RFTN1: variants seen among roughly 807,000 people sequenced by gnomAD.
The protein encoded by RFTN1 is raftlin.
RFTN1 carries 26 observed loss-of-function variants against 46.5 expected under a neutral mutation model. The ratio of observed to expected loss-of-function variants is 0.56; its 90% CI spans 0.41 to 0.78. The LOEUF (loss-of-function observed/expected upper bound fraction) is 0.78. RFTN1 is among the 30% of genes least tolerant of loss of function. The pLI is 0.00. For synonymous variants in RFTN1, 261 were observed against 284.2 expected, an observed-to-expected ratio of 0.92 and a Z score of 0.82; for missense variants, 693 against 718.7, an observed-to-expected ratio of 0.96 and a Z score of 0.41.
At chr3:16,363,693 G>T (rs944117596) in intron 6 of RFTN1, among the ~76,000 whole-genome samples, 6 of 152,204 alleles carry the variant, frequency 3.9e-5, no homozygotes, top group Admixed American at 1.3e-4. Flanking sequence ...GTCTATTTTT[G>T]CAGGGTTAAA....
rs2068875229 is a variant in RFTN1 at position 16,320,088 on chromosome 3, T to C, written c.1333-2856A>G. Among the ~76,000 whole-genome samples the C allele has an allele frequency of 6.6e-6, 1 of 152,190 alleles. No homozygotes were observed. The highest frequency in any genetic ancestry group is 1.5e-5 in the Non-Finnish European group (1 of 68,028). On this transcript the variant is annotated intron_variant, in intron 9 of 9. Transcript: ENST00000334133. The surrounding 1 kb of genome is among the most constrained non-coding windows in gnomAD (Gnocchi z 4.5). ...AAAGAAATCCTTCACTTTACAGCAGTGTGTGTCCAGAGTTCCATGTCAGCA... is the reference window on the plus strand; with the variant it reads ...AAAGAAATCCTTCACTTTACAGCAGCGTGTGTCCAGAGTTCCATGTCAGCA...
In RFTN1 at chr3:16,425,031, A is replaced by C. The variant is rs1408509096; in HGVS notation, c.332+8820T>G. Among the ~76,000 whole-genome samples, 4 of 152,180 alleles carry C rather than the reference A, an allele frequency of 2.6e-5. No individual in the cohort carries two copies. Among genetic ancestry groups the C allele is most frequent in the Non-Finnish European group, 2.9e-5 (2 of 68,032 alleles). On this transcript the variant is annotated intron_variant, in intron 3 of 9. Coordinates refer to ENST00000334133, the MANE Select transcript of RFTN1 (RefSeq NM_015150.2). This position sits in a 1 kb window ranked among gnomAD's most constrained non-coding sequence, Gnocchi z 4.3. ...GTTGAATAGGTAGACTATTCAATACAAGACTCCCACAAAGATTTAAAGTAA... is the reference window on the plus strand; with the variant it reads ...GTTGAATAGGTAGACTATTCAATACCAGACTCCCACAAAGATTTAAAGTAA...
intron 2 of RFTN1, chr3:16,482,667 A>T: frequency 1.7e-6 from 2 of 1,143,366 alleles, no homozygotes; most frequent in South Asian, 1.3e-5. Flanking sequence ...CTCTATAAGG[A>T]TTAATTGACA....
At position 16,346,289 on chromosome 3, in the gene RFTN1, A is replaced by G. The variant is rs540675182; in HGVS notation, c.1146+11643T>C. 4.6e-5 allele frequency: 7 copies of G among 152,328 alleles called. No individual in the cohort carries two copies. In the South Asian group the frequency reaches 1.4e-3, roughly 32 times the overall value. The allele number at this position is 152,328 out of a possible 1,614,324, so 9.4% of individuals were successfully genotyped here. On this transcript the variant is annotated intron_variant, in intron 7 of 9. Coordinates refer to ENST00000334133, the MANE Select transcript of RFTN1 (RefSeq NM_015150.2). This position sits in a 1 kb window ranked among gnomAD's most constrained non-coding sequence, Gnocchi z 4.4. ...GTGGCTGACACACAGTAGGAACTCA[A>G]TATTTATTTGTTGGATAAATTTTTA...
rs2076502704 is a variant in RFTN1 at position 16,489,306 on chromosome 3, T to G, written c.145+4419A>C. Among the ~76,000 whole-genome samples the G allele has an allele frequency of 6.6e-6, 1 of 152,050 alleles. No individual in the cohort carries two copies. The highest frequency in any genetic ancestry group is 1.5e-5 in the Non-Finnish European group (1 of 68,008). Reference sequence around the variant, plus strand: ...GGTGGCGGGCACCTGTAATCCCAACTACTCGGCAGGCTGAGGCACAAGAAT... The same window carrying G: ...GGTGGCGGGCACCTGTAATCCCAACGACTCGGCAGGCTGAGGCACAAGAAT... On this transcript the variant is annotated intron_variant, in intron 2 of 9. Coordinates refer to ENST00000334133, the MANE Select transcript of RFTN1 (RefSeq NM_015150.2). The surrounding 1 kb of genome is among the most constrained non-coding windows in gnomAD (Gnocchi z 4.0).
Position 16,457,496 on chromosome 3 carries a change from T to C in RFTN1, c.146-23459A>G, listed in dbSNP as rs11710881. On this transcript the variant is annotated intron_variant, in intron 2 of 9. Transcript: ENST00000334133. The surrounding 1 kb of genome is among the most constrained non-coding windows in gnomAD (Gnocchi z 4.2). ...TATCATTATACCTTCTTTTACGATA[T>C]ACAAGGCATCCCAAAAGTCTCAATA... Among the ~76,000 whole-genome samples the C allele has an allele frequency of 0.11, 16,546 of 152,286 alleles. 1,164 individuals are homozygous for C. The highest frequency in any genetic ancestry group is 0.15 in the Non-Finnish European group (10,464 of 68,014).
In RFTN1 at chr3:16,316,633, T is replaced by C; in HGVS notation, c.*195A>G. ...AACACTGGGTCATTAATGACACCTT[T>C]CCAGTGGATGTGCAAAAACCAACAC... On this transcript the variant is annotated 3_prime_UTR_variant, in exon 10 of 10. Transcript: ENST00000334133. The surrounding 1 kb of genome is among the most constrained non-coding windows in gnomAD (Gnocchi z 4.5). 1.5e-6 allele frequency: 1 copy of C among 677,664 alleles called. No homozygotes were observed. Among genetic ancestry groups the C allele is most frequent in the South Asian group, 1.7e-5 (1 of 57,778 alleles). 42.0% of individuals were successfully genotyped at this position (677,664 alleles called of 1,614,324 possible).
intron 2 of RFTN1, among the ~76,000 whole-genome samples, chr3:16,486,820 A>C (rs528794721): frequency 5.2e-4 from 79 of 152,360 alleles, no homozygotes; most frequent in African/African-American, 1.7e-3. Context: ...CCTAACCCCT[A>C]AAGTGACTAC....
rs2075281697 is a variant in RFTN1, at chr3:16,425,931, TACCACACCAGAA to T, written c.332+7908_332+7919del. On this transcript the variant is annotated intron_variant, in intron 3 of 9. Coordinates refer to ENST00000334133, the MANE Select transcript of RFTN1 (RefSeq NM_015150.2). The surrounding 1 kb of genome is among the most constrained non-coding windows in gnomAD (Gnocchi z 4.3). ...GCTAGAGAAAACTGATGAGGAAAGA[TACCACACCAGAA>T]ACGAGGGGCAGCTGCCAGCAACGGG... is the stretch of plus-strand genomic sequence containing the variant. Among the ~76,000 whole-genome samples, 2 of 152,092 alleles carry T rather than the reference TACCACACCAGAA, an allele frequency of 1.3e-5. No homozygotes were observed. The highest frequency in any genetic ancestry group is 4.8e-5 in the African/African-American group (2 of 41,414).
At position 16,499,918 on chromosome 3, in the gene RFTN1, T is replaced by C. The variant is rs1374425045; in HGVS notation, c.-8-6041A>G. The stretch of plus-strand genomic sequence containing the variant: ...AGAGTGGGGTTGTTGGGTTATATGA[T>C]AAGTGCAGGAGCCCTGTTAATGAAA... On this transcript the variant is annotated intron_variant, in intron 1 of 9. Coordinates refer to ENST00000334133, the MANE Select transcript of RFTN1 (RefSeq NM_015150.2). This position sits in a 1 kb window ranked among gnomAD's most constrained non-coding sequence, Gnocchi z 4.9. Among the ~76,000 whole-genome samples, 1 of 152,210 alleles carries C rather than the reference T, an allele frequency of 6.6e-6. No homozygotes were observed. Among genetic ancestry groups the C allele is most frequent in the African/African-American group, 2.4e-5 (1 of 41,448 alleles).
intron 5 of RFTN1, among the ~76,000 whole-genome samples, chr3:16,372,255 T>C (rs535384975): frequency 6.6e-6 from 1 of 152,282 alleles, no homozygotes; most frequent in East Asian, 1.9e-4. Context: ...CTGGGGCAGC[T>C]AGGGCTCAAT....
chr3:16,377,670 T>A, intron 5 of RFTN1, 48 bp downstream of exon 5: 1 of 1,528,632 alleles, frequency 6.5e-7, no homozygotes, highest in Non-Finnish European at 8.8e-7. Flanking sequence ...TGAAAAGCTG[T>A]TAGCTGCTCT....
intron 2 of RFTN1, among the ~76,000 whole-genome samples, chr3:16,434,344 T>G (rs1559345265): frequency 6.7e-6 from 1 of 149,160 alleles, no homozygotes; most frequent in Non-Finnish European, 1.5e-5. Context: ...GGCAACATAG[T>G]AAAACTCGGT....
chr3:16,366,290 C>A (rs1002537656), intron 6 of RFTN1, among the ~76,000 whole-genome samples: 1 of 152,194 alleles, frequency 6.6e-6, no homozygotes, highest in Non-Finnish European at 1.5e-5. Context: ...TAGTCTTACC[C>A]CAAACTCCTG....
chr3:16,433,706 CTG>C lies in RFTN1; in HGVS notation c.332+143_332+144del, dbSNP rs927253661. ...GAAAGAAACCTCTCTGGTTGTCTAA[CTG>C]TTTGCCTCACCTGTCTGAGGGCTGA... On this transcript the variant is annotated intron_variant, in intron 3 of 9. Coordinates refer to ENST00000334133, the MANE Select transcript of RFTN1 (RefSeq NM_015150.2). This position sits in a 1 kb window ranked among gnomAD's most constrained non-coding sequence, Gnocchi z 4.4. 2 of 779,916 alleles carry C rather than the reference CTG, an allele frequency of 2.6e-6. No individual in the cohort carries two copies. The highest frequency in any genetic ancestry group is 3.4e-5 in the African/African-American group (2 of 58,070). The allele number at this position is 779,916 out of a possible 1,614,324, so 48.3% of individuals were successfully genotyped here. A position where few individuals can be genotyped will look rare whatever the true frequency, so the allele number is the denominator to read the frequency against.
chr3:16,372,438 C>T (rs564331829), intron 5 of RFTN1, among the ~76,000 whole-genome samples: 1 of 152,246 alleles, frequency 6.6e-6, no homozygotes, highest in South Asian at 2.1e-4. Context: ...GCGGTGGGCT[C>T]GGCCAGAGCT....
rs1342773374 is a variant in RFTN1, at chr3:16,481,079, A to C, written c.145+12646T>G. 6.6e-6 allele frequency among the ~76,000 whole-genome samples: 1 copy of C among 151,828 alleles called. No homozygotes were observed. Among genetic ancestry groups the C allele is most frequent in the Admixed American group, 6.6e-5 (1 of 15,222 alleles). ...TGAGTAGTGTTGCTTCTTGGTCTGGATTTAGAGTAGCTGGGAAAACAGCAT... is the reference window on the plus strand; with the variant it reads ...TGAGTAGTGTTGCTTCTTGGTCTGGCTTTAGAGTAGCTGGGAAAACAGCAT... On this transcript the variant is annotated intron_variant, in intron 2 of 9. Transcript: ENST00000334133. This position sits in a 1 kb window ranked among gnomAD's most constrained non-coding sequence, Gnocchi z 5.1.
intron 5 of RFTN1, among the ~76,000 whole-genome samples, chr3:16,371,701 G>A (rs1451448596): frequency 6.6e-6 from 1 of 152,202 alleles, no homozygotes; most frequent in Admixed American, 6.5e-5. Flanking sequence ...GAAGGAAGGT[G>A]CCCGTCTTTG....
intron 1 of RFTN1, among the ~76,000 whole-genome samples, chr3:16,508,648 A>G (rs1423636775): frequency 2.6e-5 from 4 of 151,870 alleles, no homozygotes; most frequent in Non-Finnish European, 5.9e-5. Flanking sequence ...GGGAGATTCA[A>G]ACGTATGTCA....
Sources: allele counts gnomAD v4.1 joint callset (sites outside exome capture counted in the v4.1 genomes callset), GRCh38; gene constraint gnomAD v4.1.1; non-coding constraint Gnocchi (gnomAD v3.1); transcripts MANE v1.5; gene names NCBI Gene and HGNC (gene_info 2026-07-23, HGNC 2026-07-21).